SAMD12: variants seen among roughly 807,000 people sequenced by gnomAD.
The protein encoded by SAMD12 is sterile alpha motif domain containing 12.
A neutral mutation model predicts 15.0 loss-of-function variants in SAMD12; 9 were observed. That is an observed-to-expected ratio of 0.60 (90% CI 0.36 to 1.05). The LOEUF (loss-of-function observed/expected upper bound fraction) is 1.05, where lower values mean the gene tolerates loss of function less well. SAMD12 is among the 50% of genes least tolerant of loss of function. The probability of loss-of-function intolerance (pLI) is 0.01; values close to 1 mark genes in which losing one functional copy is unlikely to be tolerated. For synonymous variants in SAMD12, 86 were observed against 90.1 expected, an observed-to-expected ratio of 0.96 and a Z score of 0.25; for missense variants, 230 against 234.2, an observed-to-expected ratio of 0.98 and a Z score of 0.12.
intron 3 of SAMD12, among the ~76,000 whole-genome samples, chr8:118,425,233 C>T (rs1563852382): frequency 6.6e-6 from 1 of 152,162 alleles, no homozygotes; most frequent in Non-Finnish European, 1.5e-5. Flanking sequence ...CCACCGTGCC[C>T]AGCTGTGGTA....
At chr8:118,546,786 G>T (rs1160775121) in intron 2 of SAMD12, among the ~76,000 whole-genome samples, 1 of 152,166 alleles carries the variant, frequency 6.6e-6, no homozygotes, top group Non-Finnish European at 1.5e-5. Flanking sequence ...GGGTGGGACA[G>T]AAGGAATGCA....
intron 3 of SAMD12, among the ~76,000 whole-genome samples, chr8:118,411,962 A>C (rs1039887213): frequency 6.6e-6 from 1 of 152,228 alleles, no homozygotes; most frequent in African/African-American, 2.4e-5. Context: ...CAGTGATCTA[A>C]GGATTTTATA....
Position 118,440,028 on chromosome 8 carries a change from T to C in SAMD12, c.193-67A>G, listed in dbSNP as rs1822693444. 13 of 1,520,622 alleles carry C rather than the reference T, an allele frequency of 8.5e-6. No homozygotes were observed. The South Asian group carries it at 1.3e-4, about 15-fold the overall frequency. 94.2% of individuals were successfully genotyped at this position (1,520,622 alleles called of 1,614,324 possible). On this transcript the variant is annotated intron_variant, in intron 2 of 3. Transcript: ENST00000314727. ...CCTAGGAAGACACTATAGTTAAAAGTCTTAGAGTGTGTTAAAGGCTACAGA... is the reference window on the plus strand; with the variant it reads ...CCTAGGAAGACACTATAGTTAAAAGCCTTAGAGTGTGTTAAAGGCTACAGA...
At position 118,606,123 on chromosome 8, in the gene SAMD12, T is replaced by C. The variant is rs75704322; in HGVS notation, c.13+15681A>G. On this transcript the variant is annotated intron_variant, in intron 1 of 3. Transcript: ENST00000314727. ...GAAAGGAACTTAAAACTCTCATTACTTGAGTCACGCATTAGGTACCTTGGA... is the reference window on the plus strand; with the variant it reads ...GAAAGGAACTTAAAACTCTCATTACCTGAGTCACGCATTAGGTACCTTGGA... Among the ~76,000 whole-genome samples, 930 of 152,232 alleles carry C rather than the reference T, an allele frequency of 6.1e-3. 8 individuals are homozygous for C. Among genetic ancestry groups the C allele is most frequent in the African/African-American group, 0.02 (813 of 41,520 alleles).
At chr8:118,368,863 T>A (rs10216877) in intron 4 of SAMD12, among the ~76,000 whole-genome samples, 107,452 of 152,130 alleles carry the variant, frequency 0.71, 39,072 homozygotes, top group African/African-American at 0.85. Flanking sequence ...AAGCACTACC[T>A]TGCTTTTATA....
chr8:118,339,857 T>G (rs1817263045), intron 4 of SAMD12, among the ~76,000 whole-genome samples: 1 of 152,224 alleles, frequency 6.6e-6, no homozygotes, highest in African/African-American at 2.4e-5. Flanking sequence ...TAGTTTCATC[T>G]GGGTATGGGT....
intron 2 of SAMD12, among the ~76,000 whole-genome samples, chr8:118,551,153 A>T (rs928412698): frequency 4.6e-5 from 7 of 152,184 alleles, no homozygotes; most frequent in Non-Finnish European, 2.9e-5. Context: ...CAGGAATGGA[A>T]ATCAGCTCTG....
At chr8:118,607,078 T>C (rs1248711101) in intron 1 of SAMD12, among the ~76,000 whole-genome samples, 6 of 152,130 alleles carry the variant, frequency 3.9e-5, no homozygotes, top group Non-Finnish European at 5.9e-5. Context: ...CTCCTGACAT[T>C]TGAGAATTAG....
intron 4 of SAMD12, among the ~76,000 whole-genome samples, chr8:118,250,768 G>A (rs1289526477): frequency 6.6e-6 from 1 of 151,932 alleles, no homozygotes; most frequent in Non-Finnish European, 1.5e-5. Context: ...GCCTCCCAAA[G>A]TGCTGGGATT....
intron 4 of SAMD12, among the ~76,000 whole-genome samples, chr8:118,202,135 A>G (rs2451164): frequency 0.52 from 79,509 of 152,000 alleles, 22,142 homozygotes; most frequent in Non-Finnish European, 0.62. Context: ...GTTAAAAAGG[A>G]CTCATAGGAA....
At chr8:118,429,809 G>A (rs895623159) in intron 3 of SAMD12, among the ~76,000 whole-genome samples, 40 of 152,088 alleles carry the variant, frequency 2.6e-4, no homozygotes, top group African/African-American at 9.2e-4. Context: ...AAGGAGAATC[G>A]CTTGAACCTG....
chr8:118,418,441 C>T (rs1035251271), intron 3 of SAMD12, among the ~76,000 whole-genome samples: 24 of 152,294 alleles, frequency 1.6e-4, no homozygotes, highest in Admixed American at 3.9e-4. Context: ...CCAGGCCAGG[C>T]GCCATGGCTC....
intron 1 of SAMD12, among the ~76,000 whole-genome samples, chr8:118,612,503 C>G (rs1413989999): frequency 6.6e-6 from 1 of 152,224 alleles, no homozygotes; most frequent in East Asian, 1.9e-4. Context: ...CTCTGGACAA[C>G]TGTGTCCTTC....
intron 4 of SAMD12, among the ~76,000 whole-genome samples, chr8:118,332,856 T>A (rs914699659): frequency 2.6e-5 from 4 of 152,240 alleles, no homozygotes; most frequent in Admixed American, 2.0e-4. Context: ...TTTCCCTTGT[T>A]AAGTCTCAGT....
At chr8:118,504,844 C>G (rs1786132198) in intron 2 of SAMD12, among the ~76,000 whole-genome samples, 1 of 152,210 alleles carries the variant, frequency 6.6e-6, no homozygotes, top group South Asian at 2.1e-4. Context: ...GGGACAGATT[C>G]TCCCCTAGAG....
chr8:118,197,702 A>C (rs775177786), exon 5 of SAMD12: 94 of 1,612,226 alleles, frequency 5.8e-5, no homozygotes, highest in South Asian at 5.8e-4. Context: ...TTGGAAGGCT[A>C]ACCGTGTTTA....
At chr8:118,290,667 T>C (rs2130246809) in intron 4 of SAMD12, among the ~76,000 whole-genome samples, 1 of 152,316 alleles carries the variant, frequency 6.6e-6, no homozygotes, top group African/African-American at 2.4e-5. Context: ...TGTTTCTACT[T>C]AGTGATAAAT....
chr8:118,594,143 G>A (rs933431847), intron 1 of SAMD12, among the ~76,000 whole-genome samples: 1 of 151,814 alleles, frequency 6.6e-6, no homozygotes, highest in Admixed American at 6.6e-5. Flanking sequence ...CTCTGGTAAA[G>A]CTCACAGTTT....
intron 1 of SAMD12, among the ~76,000 whole-genome samples, chr8:118,596,232 T>C (rs1158314067): frequency 6.6e-6 from 1 of 152,216 alleles, no homozygotes; most frequent in East Asian, 1.9e-4. Context: ...CCTTGTTCGC[T>C]GCTCAGATTC....
Sources: gnomAD v4.1 joint callset for allele counts (sites outside exome capture counted in the v4.1 genomes callset) on GRCh38, gnomAD v4.1.1 for gene constraint, MANE v1.5 for transcripts, NCBI Gene and HGNC (gene_info 2026-07-23, HGNC 2026-07-21) for gene names.